Variants in MMD2 observed in about 807,000 individuals in gnomAD.
The protein encoded by MMD2 is monocyte to macrophage differentiation factor 2.
A neutral mutation model predicts 33.5 loss-of-function variants in MMD2; 30 were observed. The ratio of observed to expected loss-of-function variants is 0.90; its 90% CI spans 0.67 to 1.22. The LOEUF is 1.22. Among genes scored for constraint, MMD2 ranks in the 50% most tolerant of loss-of-function variants. The pLI, the probability that MMD2 is intolerant of heterozygous loss-of-function variation, is 0.00. For missense variants in MMD2, 364 were observed against 325.4 expected (o/e 1.12, Z -0.91); for synonymous variants, 129 against 123.0 (o/e 1.05, Z -0.32).
intron 1 of MMD2, among the ~76,000 whole-genome samples, chr7:4,947,989 C>A (rs901506608): frequency 6.6e-6 from 1 of 152,062 alleles, no homozygotes; most frequent in Non-Finnish European, 1.5e-5. Context: ...TGAGCCACCG[C>A]GCCCGGCCAC....
intron 1 of MMD2, among the ~76,000 whole-genome samples, chr7:4,951,735 GACTACAGGCATGAGCCACT>G (rs1213765687): frequency 1.3e-5 from 2 of 152,120 alleles, no homozygotes; most frequent in Non-Finnish European, 2.9e-5. Context: ...AAGTAGCTGG[GACTACAGGCATGAGCCACT>G]ACAACTGGCT....
intron 2 of MMD2, among the ~76,000 whole-genome samples, chr7:4,924,583 A>C (rs61101945): frequency 0.015 from 2,348 of 152,314 alleles, 61 homozygotes; most frequent in African/African-American, 0.054. Context: ...TGGCATGGTG[A>C]TGGGCCGTGA....
chr7:4,909,834 C>G (rs1784960392), intron 6 of MMD2, 47 bp downstream of exon 6: 1 of 1,577,624 alleles, frequency 6.3e-7, no homozygotes, highest in Non-Finnish European at 8.6e-7. Flanking sequence ...CTCGGACACT[C>G]TTGGTCTCTT....
chr7:4,900,321 CA>C, the MMD2 span, among the ~76,000 whole-genome samples: 1 of 152,000 alleles, frequency 6.6e-6, no homozygotes, highest in Non-Finnish European at 1.5e-5. Context: ...GAGCAAAATA[CA>C]AGAAGAGGGA....
chr7:4,927,659 A>T, intron 1 of MMD2, among the ~76,000 whole-genome samples: 1 of 152,156 alleles, frequency 6.6e-6, no homozygotes, highest in Non-Finnish European at 1.5e-5. Context: ...GTGAGCCGAG[A>T]TTGTGCCACT....
At chr7:4,945,185 T>TTTCTTCCTCTTCTTCTTC (rs1786025888) in intron 1 of MMD2, among the ~76,000 whole-genome samples, 1 of 93,480 alleles carries the variant, frequency 1.1e-5, no homozygotes, top group Non-Finnish European at 2.1e-5. Context: ...CCTCTTCCTC[T>TTTCTTCCTCTTCTTCTTC]TTCTTCTTCT....
chr7:4,909,410 G>A (rs1201312086), intron 6 of MMD2, among the ~76,000 whole-genome samples: 3 of 145,416 alleles, frequency 2.1e-5, no homozygotes, highest in African/African-American at 7.8e-5. Context: ...ATCCTAGGCA[G>A]CACAGGGAGA....
chr7:4,946,305 C>T lies in MMD2; in HGVS notation c.47+12666G>A, dbSNP rs1369632838. ...AGAGTCGAAACACCATCCCCGCATC[C>T]TAAGAATAGCCATGCTCCAAACATG... On this transcript the variant is annotated intron_variant, in intron 1 of 6. Coordinates refer to ENST00000401401, the MANE Select transcript of MMD2 (RefSeq NM_198403.4). This position sits in a 1 kb window ranked among gnomAD's most constrained non-coding sequence, Gnocchi z 5.0. Among the ~76,000 whole-genome samples, 4 of 152,186 alleles carry T rather than the reference C, an allele frequency of 2.6e-5. No homozygotes were observed. Among genetic ancestry groups the T allele is most frequent in the African/African-American group, 7.2e-5 (3 of 41,454 alleles).
chr7:4,956,070 A>G (rs1054501927), intron 1 of MMD2, among the ~76,000 whole-genome samples: 3 of 152,006 alleles, frequency 2.0e-5, no homozygotes, highest in African/African-American at 7.2e-5. Context: ...AATAAATAAA[A>G]TAAAGCCACA....
intron 1 of MMD2, among the ~76,000 whole-genome samples, chr7:4,927,730 C>CAAACA (rs1785470339): frequency 6.6e-6 from 1 of 151,922 alleles, no homozygotes; most frequent in Non-Finnish European, 1.5e-5. Flanking sequence ...CAAAACAAAA[C>CAAACA]AAACAAAACA....
intron 1 of MMD2, among the ~76,000 whole-genome samples, chr7:4,938,221 G>C (rs1785803096): frequency 6.6e-6 from 1 of 151,706 alleles, no homozygotes; most frequent in African/African-American, 2.4e-5. Flanking sequence ...ATGTTAGTCA[G>C]GCTGGTCTCA....
At chr7:4,893,934 G>A in the MMD2 span, among the ~76,000 whole-genome samples, 1 of 152,134 alleles carries the variant, frequency 6.6e-6, no homozygotes, top group African/African-American at 2.4e-5. Flanking sequence ...CGCCATCTTG[G>A]TTTTGGTAGG....
rs1352461014 is a variant in MMD2 at position 4,946,285 on chromosome 7, C to T, written c.47+12686G>A. ...CACAATCCCAGGAGCTTCACAGAGT[C>T]GAAACACCATCCCCGCATCCTAAGA... On this transcript the variant is annotated intron_variant, in intron 1 of 6. Transcript: ENST00000401401. This position sits in a 1 kb window ranked among gnomAD's most constrained non-coding sequence, Gnocchi z 5.0. Among the ~76,000 whole-genome samples the T allele has an allele frequency of 1.3e-5, 2 of 152,142 alleles. No homozygotes were observed. The highest frequency in any genetic ancestry group is 2.9e-5 in the Non-Finnish European group (2 of 68,040).
At chr7:4,924,697 TG>T (rs1425133011) in intron 2 of MMD2, among the ~76,000 whole-genome samples, 8 of 152,124 alleles carry the variant, frequency 5.3e-5, no homozygotes, top group African/African-American at 1.9e-4. Flanking sequence ...TTGGGAATGA[TG>T]GAAAGGGTTT....
chr7:4,912,340 C>T (rs866260092), intron 4 of MMD2, among the ~76,000 whole-genome samples: 18 of 151,702 alleles, frequency 1.2e-4, no homozygotes, highest in South Asian at 1.0e-3. Context: ...GGGCAGATCA[C>T]GAGGTCAGGA....
intron 3 of MMD2, among the ~76,000 whole-genome samples, chr7:4,917,549 G>A (rs111972174): frequency 0.023 from 3,440 of 151,812 alleles, 144 homozygotes; most frequent in African/African-American, 0.08. Context: ...AAAATTAGCC[G>A]GGCGTGGTGG....
intron 4 of MMD2, among the ~76,000 whole-genome samples, chr7:4,914,625 G>T (rs1785096134): frequency 1.3e-5 from 2 of 152,222 alleles, no homozygotes; most frequent in Non-Finnish European, 1.5e-5. Context: ...ACAACCAGGG[G>T]TAAAGGTAAA....
chr7:4,951,999 G>T (rs1026851035), intron 1 of MMD2, among the ~76,000 whole-genome samples: 3 of 152,108 alleles, frequency 2.0e-5, no homozygotes, highest in African/African-American at 7.2e-5. Flanking sequence ...GCCTCCCAAA[G>T]TGCTGGGACT....
chr7:4,945,201 T>TTCTTCTTCTTCTTCTTCG (rs1786031518), intron 1 of MMD2, among the ~76,000 whole-genome samples: 1 of 138,682 alleles, frequency 7.2e-6, no homozygotes, highest in African/African-American at 2.7e-5. Flanking sequence ...CTTCTTCTTC[T>TTCTTCTTCTTCTTCTTCG]TCTTCTTCTT....
Sources: allele counts gnomAD v4.1 joint callset (sites outside exome capture counted in the v4.1 genomes callset), GRCh38; gene constraint gnomAD v4.1.1; non-coding constraint Gnocchi (gnomAD v3.1); transcripts MANE v1.5; gene names NCBI Gene and HGNC (gene_info 2026-07-23, HGNC 2026-07-21).